The following ASAP1 variants were observed in gnomAD, a reference collection of about 807,000 sequenced individuals.
The protein encoded by ASAP1 is ArfGAP with SH3 domain, ankyrin repeat and PH domain 1, also known as arf-GAP with SH3 domain, ANK repeat and PH domain-containing protein 1.
ASAP1 carries 43 observed loss-of-function variants against 145.2 expected under a neutral mutation model. The ratio of observed to expected loss-of-function variants is 0.30; its 90% CI spans 0.23 to 0.38. The LOEUF (loss-of-function observed/expected upper bound fraction) is 0.38. Ranked by LOEUF, ASAP1 falls within the 10% of genes least tolerant of loss-of-function variation. The pLI is 1.00. For missense variants in ASAP1, 1,018 were observed against 1,355.3 expected (o/e 0.75, Z 3.91); for synonymous variants, 546 against 515.5 (o/e 1.06, Z -0.80).
At chr8:130,240,785 C>A (rs947455087) in intron 3 of ASAP1, among the ~76,000 whole-genome samples, 1 of 152,130 alleles carries the variant, frequency 6.6e-6, no homozygotes, top group African/African-American at 2.4e-5. Context: ...TCTAGGAGAG[C>A]ACTTCCAACC....
intron 20 of ASAP1, among the ~76,000 whole-genome samples, 169 bp downstream of exon 20, chr8:130,117,992 A>G (rs1454735705): frequency 6.6e-6 from 1 of 152,228 alleles, no homozygotes; most frequent in East Asian, 1.9e-4. Flanking sequence ...GGCAGAAGTG[A>G]ATAGCTCTGA....
chr8:130,349,721 C>T (rs1825891631), intron 3 of ASAP1, among the ~76,000 whole-genome samples: 1 of 152,226 alleles, frequency 6.6e-6, no homozygotes. Context: ...TTCTTCCCTG[C>T]CTCACAGGAG....
At chr8:130,285,929 T>C (rs904310178) in intron 3 of ASAP1, among the ~76,000 whole-genome samples, 19 of 144,376 alleles carry the variant, frequency 1.3e-4, no homozygotes, top group Non-Finnish European at 2.6e-4. Flanking sequence ...GGAACAGATA[T>C]CATAAATAAT....
chr8:130,183,219 C>T (rs938100367), intron 7 of ASAP1, among the ~76,000 whole-genome samples: 5 of 151,956 alleles, frequency 3.3e-5, no homozygotes, highest in African/African-American at 4.8e-5. Flanking sequence ...AAACAACAAC[C>T]ACATATCACA....
chr8:130,300,153 C>CAGAGAGAGAG lies in ASAP1; in HGVS notation c.186+57854_186+57863dup, dbSNP rs369720584. Among the ~76,000 whole-genome samples, 192 of 76,904 alleles carry CAGAGAGAGAG rather than the reference C, an allele frequency of 2.5e-3. 3 individuals carry two copies. Among genetic ancestry groups the CAGAGAGAGAG allele is most frequent in the East Asian group, 0.011 (23 of 2,050 alleles). 50.5% of individuals were successfully genotyped at this position (76,904 alleles called of 152,430 possible). ...ACACACACACACACACACACACACA[C>CAGAGAGAGAG]AGAGAGAGAGAGAGAGAGAGAGAGA... On this transcript the variant is annotated intron_variant, in intron 3 of 29. Coordinates refer to ENST00000518721, the MANE Select transcript of ASAP1 (RefSeq NM_018482.4).
intron 6 of ASAP1, 68 bp from the exon 7 acceptor site, chr8:130,187,353 A>G: frequency 7.8e-7 from 1 of 1,286,602 alleles, no homozygotes; most frequent in Non-Finnish European, 1.1e-6. Flanking sequence ...TAGTTTTGAA[A>G]TGACATCTTA....
chr8:130,123,413 T>C (rs2097569718), intron 18 of ASAP1, among the ~76,000 whole-genome samples: 1 of 152,152 alleles, frequency 6.6e-6, no homozygotes, highest in African/African-American at 2.4e-5. Context: ...CTCATCACAA[T>C]ATGCCATGTT....
intron 23 of ASAP1, among the ~76,000 whole-genome samples, chr8:130,113,290 C>T (rs1387891766): frequency 6.6e-6 from 1 of 152,208 alleles, no homozygotes; most frequent in Non-Finnish European, 1.5e-5. Flanking sequence ...ATTCCTCCGA[C>T]ATCCAGACTC....
chr8:130,163,610 A>G (rs969485976), intron 11 of ASAP1, among the ~76,000 whole-genome samples: 1 of 152,204 alleles, frequency 6.6e-6, no homozygotes, highest in African/African-American at 2.4e-5. Flanking sequence ...AATGATGGCC[A>G]TTCAGCTTGC....
intron 1 of ASAP1, among the ~76,000 whole-genome samples, chr8:130,411,605 C>G (rs1309875590): frequency 6.6e-6 from 1 of 152,170 alleles, no homozygotes; most frequent in Non-Finnish European, 1.5e-5. Context: ...GGAAACCACC[C>G]TAAGACAGGG....
intron 28 of ASAP1, among the ~76,000 whole-genome samples, chr8:130,058,978 A>G (rs2097411074): frequency 6.6e-6 from 1 of 152,170 alleles, no homozygotes; most frequent in Non-Finnish European, 1.5e-5. Flanking sequence ...AAATGACATA[A>G]TAAAACTATA....
chr8:130,115,614 T>C lies in ASAP1; in HGVS notation c.2172+14A>G. The C allele has an allele frequency of 1.3e-6, 2 of 1,596,662 alleles. No individual in the cohort carries two copies. The highest frequency in any genetic ancestry group is 1.7e-6 in the Non-Finnish European group (2 of 1,164,750). ...GGTAGTTGTTGAGAATTCGAGGACA[T>C]AATTTACACTCACTTTGTCATCCAG... On this transcript the variant is annotated intron_variant, in intron 23 of 29. Transcript: ENST00000518721.
At chr8:130,166,468 G>C (rs1266054640) in intron 11 of ASAP1, among the ~76,000 whole-genome samples, 1 of 152,128 alleles carries the variant, frequency 6.6e-6, no homozygotes, top group Non-Finnish European at 1.5e-5. Flanking sequence ...CTCAGAAACT[G>C]CATTTCTGAC....
At chr8:130,253,285 A>C (rs993351549) in intron 3 of ASAP1, among the ~76,000 whole-genome samples, 2 of 152,200 alleles carry the variant, frequency 1.3e-5, no homozygotes, top group African/African-American at 4.8e-5. Context: ...AAAACAGGGA[A>C]ATTTATAGTA....
At chr8:130,150,060 A>G (rs374814896) in intron 13 of ASAP1, among the ~76,000 whole-genome samples, 72 of 152,376 alleles carry the variant, frequency 4.7e-4, no homozygotes, top group African/African-American at 1.5e-3. Context: ...AATAGCAGCA[A>G]TAAGTATTAA....
chr8:130,104,404 G>A (rs1398427353), intron 24 of ASAP1, among the ~76,000 whole-genome samples: 1 of 152,158 alleles, frequency 6.6e-6, no homozygotes, highest in Admixed American at 6.5e-5. Flanking sequence ...TTATTTGAAG[G>A]TGTTTTTACC....
intron 3 of ASAP1, among the ~76,000 whole-genome samples, chr8:130,346,457 T>C (rs989378247): frequency 3.3e-5 from 5 of 152,250 alleles, no homozygotes; most frequent in Admixed American, 1.3e-4. Context: ...TGCATTTTTT[T>C]TCTTGAGGAT....
chr8:130,442,795 G>A (rs917319652), intron 1 of ASAP1, among the ~76,000 whole-genome samples: 1 of 152,038 alleles, frequency 6.6e-6, no homozygotes, highest in African/African-American at 2.4e-5. Context: ...GCAGAAAACC[G>A]GACACCGGCA....
At chr8:130,137,510 T>C (rs1383486541) in intron 13 of ASAP1, among the ~76,000 whole-genome samples, 1 of 152,242 alleles carries the variant, frequency 6.6e-6, no homozygotes, top group African/African-American at 2.4e-5. Context: ...CTATGAAATG[T>C]AGCTGAGCTA....
Sources: gnomAD v4.1 joint callset for allele counts (sites outside exome capture counted in the v4.1 genomes callset) on GRCh38, gnomAD v4.1.1 for gene constraint, MANE v1.5 for transcripts, NCBI Gene and HGNC (gene_info 2026-07-23, HGNC 2026-07-21) for gene names.